Variants in GALNT2 observed in about 807,000 individuals in gnomAD.
The protein encoded by GALNT2 is polypeptide N-acetylgalactosaminyltransferase 2, also known as UDP-GalNAc:polypeptide N-acetylgalactosaminyltransferase 2.
GALNT2 carries 31 observed loss-of-function variants against 81.4 expected under a neutral mutation model. The observed-to-expected ratio is 0.38, with a 90% CI of 0.29 to 0.51. The LOEUF is 0.51. Among genes scored for constraint, GALNT2 ranks in the 20% least tolerant of loss-of-function variants. GALNT2 has a pLI of 0.87. For synonymous variants in GALNT2, 303 were observed against 287.4 expected (o/e 1.05, Z -0.55); for missense variants, 629 against 765.7 (o/e 0.82, Z 2.11).
intron 12 of GALNT2, 79 bp downstream of exon 12, chr1:230,262,744 C>G (rs999732293): frequency 7.0e-7 from 1 of 1,427,562 alleles, no homozygotes; most frequent in African/African-American, 1.4e-5. Context: ...CTGCCCCCAG[C>G]GTTGAATTCA....
intron 3 of GALNT2, 77 bp from the exon 4 acceptor site, chr1:230,235,937 C>T: frequency 7.4e-7 from 1 of 1,358,718 alleles, no homozygotes; most frequent in Non-Finnish European, 1.0e-6. Context: ...GTCAGTCTGC[C>T]TGTTCTCTGA....
rs937057698 is a variant in GALNT2 at position 230,257,665 on chromosome 1, C to A, written c.1136+2321C>A. Among the ~76,000 whole-genome samples the A allele has an allele frequency of 6.6e-6, 1 of 152,118 alleles. No homozygotes were observed. The highest frequency in any genetic ancestry group is 1.9e-4 in the East Asian group (1 of 5,188). On this transcript the variant is annotated intron_variant, in intron 11 of 15. Coordinates refer to ENST00000366672, the MANE Select transcript of GALNT2 (RefSeq NM_004481.5). The surrounding 1 kb of genome is among the most constrained non-coding windows in gnomAD (Gnocchi z 4.6). ...AAGGATGCATTTTTCAGGTTGTATCCCTCTCATTAAGCAGCACCTGGCTGT... is the reference window on the plus strand; with the variant it reads ...AAGGATGCATTTTTCAGGTTGTATCACTCTCATTAAGCAGCACCTGGCTGT...
chr1:230,062,101 G>T (rs1659063683), intron 1 of GALNT2, among the ~76,000 whole-genome samples: 1 of 151,998 alleles, frequency 6.6e-6, no homozygotes, highest in South Asian at 2.1e-4. Flanking sequence ...TTTTTTACCG[G>T]TTTGATGGGA....
intron 1 of GALNT2, among the ~76,000 whole-genome samples, chr1:230,117,104 A>C (rs548696685): frequency 9.2e-5 from 14 of 152,300 alleles, no homozygotes. Context: ...TTGCTGCTTC[A>C]CCTTGCACGT....
chr1:230,149,894 G>T (rs1047020962), intron 1 of GALNT2, among the ~76,000 whole-genome samples: 1 of 152,162 alleles, frequency 6.6e-6, no homozygotes, highest in Non-Finnish European at 1.5e-5. Context: ...AATTGTTTCA[G>T]CAGGGCTTCT....
At chr1:230,211,074 G>A (rs1420339658) in intron 3 of GALNT2, among the ~76,000 whole-genome samples, 2 of 152,214 alleles carry the variant, frequency 1.3e-5, no homozygotes, top group African/African-American at 4.8e-5. Flanking sequence ...GTGGGAGTGT[G>A]ATTGGAGACC....
At chr1:230,157,921 T>C (rs1234826996) in intron 1 of GALNT2, among the ~76,000 whole-genome samples, 1 of 152,176 alleles carries the variant, frequency 6.6e-6, no homozygotes, top group Non-Finnish European at 1.5e-5. Flanking sequence ...TATGCAGATG[T>C]CAAAGCTCCC....
intron 1 of GALNT2, among the ~76,000 whole-genome samples, chr1:230,067,659 C>T (rs1659240012): frequency 6.6e-6 from 1 of 152,106 alleles, no homozygotes; most frequent in African/African-American, 2.4e-5. Context: ...GCCCCTCTCT[C>T]TGCTCGTCGT....
At chr1:230,199,488 A>G (rs550777464) in intron 2 of GALNT2, among the ~76,000 whole-genome samples, 83 of 152,310 alleles carry the variant, frequency 5.4e-4, no homozygotes, top group African/African-American at 2.0e-3. Flanking sequence ...AGAGATACCT[A>G]AAACAAAAAT....
At chr1:230,161,455 T>C (rs1316195441) in intron 1 of GALNT2, among the ~76,000 whole-genome samples, 1 of 152,264 alleles carries the variant, frequency 6.6e-6, no homozygotes, top group African/African-American at 2.4e-5. Flanking sequence ...CGACTCCAGC[T>C]GTCTGTGCAG....
chr1:230,090,952 C>G (rs1203392149), intron 1 of GALNT2, among the ~76,000 whole-genome samples: 2 of 152,154 alleles, frequency 1.3e-5, no homozygotes, highest in African/African-American at 4.8e-5. Context: ...TTACATGCAT[C>G]AGAATTGTAA....
chr1:230,067,254 G>A lies in GALNT2; in HGVS notation c.-27G>A. ...CCAGGCAGCACTCGCGAGCAGCGGC[G>A]GCCCCGCCGGCGGCCGAGTTGGGAG... On this transcript the variant is annotated 5_prime_UTR_variant, in exon 1 of 16. Transcript: ENST00000366672. 1 of 1,274,276 alleles carries A rather than the reference G, an allele frequency of 7.8e-7. No homozygotes were observed. The allele number at this position is 1,274,276 out of a possible 1,614,324, so 78.9% of individuals were successfully genotyped here.
intron 1 of GALNT2, among the ~76,000 whole-genome samples, chr1:230,126,826 G>A (rs768507069): frequency 6.6e-6 from 1 of 152,176 alleles, no homozygotes; most frequent in Non-Finnish European, 1.5e-5. Flanking sequence ...ACTGAGGCAC[G>A]CCAAGGAGTG....
chr1:230,236,728 A>C lies in GALNT2; in HGVS notation c.607+3A>C. The C allele has an allele frequency of 6.2e-7, 1 of 1,612,778 alleles. No individual in the cohort carries two copies. Among genetic ancestry groups the C allele is most frequent in the Non-Finnish European group, 8.5e-7 (1 of 1,179,572 alleles). On this transcript the variant is annotated splice_donor_region_variant and intron_variant, in intron 6 of 15. Transcript: ENST00000366672. ...TCTTAGAAATGATCGACGAGAAGGT[A>C]AGATTCTTCTTAATTCAGCGCCAAG...
chr1:230,190,005 A>C (rs1453294579), intron 2 of GALNT2, among the ~76,000 whole-genome samples: 2 of 152,204 alleles, frequency 1.3e-5, no homozygotes, highest in Non-Finnish European at 2.9e-5. Flanking sequence ...CCTGTGATAC[A>C]TGTCGTGTGA....
At chr1:230,248,909 A>G (rs907433020) in intron 8 of GALNT2, among the ~76,000 whole-genome samples, 3 of 151,966 alleles carry the variant, frequency 2.0e-5, no homozygotes, top group African/African-American at 7.3e-5. Context: ...ATTTTTTCCT[A>G]TGCATTTCAA....
intron 11 of GALNT2, chr1:230,258,815 A>G (rs1162897215): frequency 1.3e-5 from 2 of 152,226 alleles, no homozygotes; most frequent in East Asian, 1.9e-4. Context: ...GATTCTTTAT[A>G]TAGACATATC....
chr1:230,253,008 G>A (rs555489251), intron 10 of GALNT2, among the ~76,000 whole-genome samples: 3 of 151,880 alleles, frequency 2.0e-5, no homozygotes, highest in Admixed American at 1.3e-4. Flanking sequence ...CACCGTGCCC[G>A]GCTAATTTTT....
intron 1 of GALNT2, among the ~76,000 whole-genome samples, chr1:230,126,182 T>G (rs56292648): frequency 0.17 from 25,148 of 152,030 alleles, 2,172 homozygotes; most frequent in South Asian, 0.23. Context: ...AGCAGAGCTG[T>G]GGAGATGGTG....
Sources: allele counts gnomAD v4.1 joint callset (sites outside exome capture counted in the v4.1 genomes callset), GRCh38; gene constraint gnomAD v4.1.1; non-coding constraint Gnocchi (gnomAD v3.1); transcripts MANE v1.5; gene names NCBI Gene and HGNC (gene_info 2026-07-23, HGNC 2026-07-21).